LY86: variants seen among roughly 807,000 people sequenced by gnomAD.
LY86 encodes lymphocyte antigen 86, also known as MD-1, RP105-associated.
Under a neutral mutation model 17.3 loss-of-function variants are expected in LY86, and 20 were observed. That is an observed-to-expected ratio of 1.15 (90% CI 0.81 to 1.68). The LOEUF is 1.68. Ranked by LOEUF, LY86 falls within the 40% of genes most tolerant of loss-of-function variation. The pLI, the probability that LY86 is intolerant of heterozygous loss-of-function variation, is 0.00. For synonymous variants in LY86, 74 were observed against 70.6 expected (o/e 1.05, Z -0.24); for missense variants, 200 against 191.9 (o/e 1.04, Z -0.25).
At chr6:6,642,828 T>C (rs1162830487) in intron 3 of LY86, among the ~76,000 whole-genome samples, 1 of 152,188 alleles carries the variant, frequency 6.6e-6, no homozygotes. Flanking sequence ...AAAGACTGTA[T>C]CCAGAGCTCA....
intron 1 of LY86, among the ~76,000 whole-genome samples, chr6:6,603,812 C>T (rs1442496600): frequency 6.6e-6 from 1 of 151,578 alleles, no homozygotes; most frequent in Non-Finnish European, 1.5e-5. Context: ...CTACAACCTT[C>T]TAAGAGTTAC....
intron 1 of LY86, among the ~76,000 whole-genome samples, chr6:6,605,510 TG>T (rs550350277): frequency 1.3e-5 from 2 of 152,342 alleles, no homozygotes; most frequent in South Asian, 2.1e-4. Flanking sequence ...TGCCTTGCCA[TG>T]GGGGGTCTCC....
intron 1 of LY86, among the ~76,000 whole-genome samples, chr6:6,602,751 A>C (rs983134182): frequency 6.6e-6 from 1 of 151,676 alleles, no homozygotes; most frequent in African/African-American, 2.4e-5. Context: ...TGATCTATCA[A>C]CTCCCACCTG....
intron 1 of LY86, among the ~76,000 whole-genome samples, chr6:6,596,101 A>C (rs1210565935): frequency 6.6e-6 from 1 of 152,212 alleles, no homozygotes; most frequent in Non-Finnish European, 1.5e-5. Flanking sequence ...GCTGACCCCC[A>C]AAAAGCCTCT....
intron 1 of LY86, among the ~76,000 whole-genome samples, chr6:6,617,999 C>A (rs1045540162): frequency 6.6e-6 from 1 of 152,170 alleles, no homozygotes; most frequent in East Asian, 1.9e-4. Context: ...TGCCACCACA[C>A]CCGACTAATT....
intron 3 of LY86, among the ~76,000 whole-genome samples, chr6:6,631,808 G>A (rs1761902901): frequency 1.3e-5 from 2 of 152,238 alleles, no homozygotes; most frequent in East Asian, 1.9e-4. Context: ...GGACATGGCT[G>A]TGTGCCCAGA....
At chr6:6,618,429 ATT>A (rs72090806) in intron 1 of LY86, among the ~76,000 whole-genome samples, 129 of 149,254 alleles carry the variant, frequency 8.6e-4, no homozygotes, top group African/African-American at 2.7e-3. Context: ...TATGAATTCA[ATT>A]TTTTTTTTTT....
intron 3 of LY86, among the ~76,000 whole-genome samples, chr6:6,628,228 A>C (rs1014776936): frequency 6.7e-6 from 1 of 149,900 alleles, no homozygotes; most frequent in African/African-American, 2.5e-5. Context: ...CCTCAACCAC[A>C]GTCAGTCCTT....
chr6:6,634,800 A>G (rs533082035), intron 3 of LY86, among the ~76,000 whole-genome samples: 2 of 152,306 alleles, frequency 1.3e-5, no homozygotes, highest in South Asian at 4.1e-4. Flanking sequence ...TTTCTGTTTC[A>G]ATGTGCTCCT....
chr6:6,621,957 G>A (rs1761688744), intron 1 of LY86, among the ~76,000 whole-genome samples: 1 of 151,938 alleles, frequency 6.6e-6, no homozygotes, highest in Non-Finnish European at 1.5e-5. Context: ...TTGAGAGGGT[G>A]GGGTTGGGGG....
intron 1 of LY86, among the ~76,000 whole-genome samples, chr6:6,613,068 C>A (rs575241423): frequency 2.4e-4 from 37 of 152,318 alleles, no homozygotes; most frequent in African/African-American, 8.9e-4. Flanking sequence ...CAAGTCCCCA[C>A]CAGAGTAGCC....
rs73718619 is a variant in LY86, at chr6:6,641,566, G to A, written c.353-8059G>A. 6.9e-3 allele frequency among the ~76,000 whole-genome samples: 1,054 copies of A among 152,308 alleles called. 15 individuals carry two copies. The highest frequency in any genetic ancestry group is 0.024 in the African/African-American group (993 of 41,546). ...AATTCAAAGAGATAATCCAGGGCAT[G>A]AAAATTCTCATTCCTGGTCTTTGGC... On this transcript the variant is annotated intron_variant, in intron 3 of 4. Coordinates refer to ENST00000230568, the MANE Select transcript of LY86 (RefSeq NM_004271.4).
chr6:6,598,513 C>T (rs998257935), intron 1 of LY86, among the ~76,000 whole-genome samples: 1 of 152,214 alleles, frequency 6.6e-6, no homozygotes, highest in African/African-American at 2.4e-5. Flanking sequence ...GACTTACCAA[C>T]CAATTGATTC....
chr6:6,615,249 C>T (rs1761525476), intron 1 of LY86, among the ~76,000 whole-genome samples: 1 of 152,296 alleles, frequency 6.6e-6, no homozygotes, highest in South Asian at 2.1e-4. Flanking sequence ...GGGTGGAACT[C>T]AGGCATGGGT....
chr6:6,613,086 G>C (rs1761431672), intron 1 of LY86, among the ~76,000 whole-genome samples: 1 of 152,242 alleles, frequency 6.6e-6, no homozygotes, highest in Admixed American at 6.5e-5. Context: ...GCCAGATACA[G>C]AGTGTGGATT....
chr6:6,626,257 G>A (rs566342643), intron 2 of LY86, 36 bp from the exon 3 acceptor site: 20 of 1,609,272 alleles, frequency 1.2e-5, no homozygotes, highest in Middle Eastern at 1.7e-4. Context: ...AGTGAAACAC[G>A]CAGTAAGAGT....
intron 1 of LY86, among the ~76,000 whole-genome samples, chr6:6,593,051 G>A (rs958237016): frequency 6.6e-6 from 1 of 152,240 alleles, no homozygotes; most frequent in African/African-American, 2.4e-5. Context: ...TTCGTTTCCT[G>A]TTGTTGCTGT....
chr6:6,651,981 A>G (rs1581254697), intron 4 of LY86, among the ~76,000 whole-genome samples: 1 of 134,102 alleles, frequency 7.5e-6, no homozygotes, highest in African/African-American at 2.8e-5. Flanking sequence ...GCTTGACCCC[A>G]GGAGGCGGAG....
chr6:6,651,808 C>A (rs1762190563), intron 4 of LY86, among the ~76,000 whole-genome samples: 2 of 152,058 alleles, frequency 1.3e-5, no homozygotes, highest in Non-Finnish European at 2.9e-5. Context: ...GTAACCCCAG[C>A]ACTTTCGGAG....
Sources: allele counts gnomAD v4.1 joint callset (sites outside exome capture counted in the v4.1 genomes callset), GRCh38; gene constraint gnomAD v4.1.1; transcripts MANE v1.5; gene names NCBI Gene and HGNC (gene_info 2026-07-23, HGNC 2026-07-21).